The following ZC3H4 variants were observed in gnomAD, a reference collection of about 807,000 sequenced individuals.
ZC3H4 encodes the protein zinc finger CCCH-type containing 4, also known as zinc finger CCCH domain-containing protein 4.
Under a neutral mutation model 108.3 loss-of-function variants are expected in ZC3H4, and 13 were observed. The observed-to-expected ratio is 0.12, with a 90% CI of 0.08 to 0.19. ZC3H4 has a LOEUF of 0.19. Ranked by LOEUF, ZC3H4 falls within the 10% of genes least tolerant of loss-of-function variation. ZC3H4 has a pLI of 1.00. For missense variants in ZC3H4, 1,734 were observed against 1,838.8 expected, an observed-to-expected ratio of 0.94 and a Z score of 1.04; for synonymous variants, 917 against 749.6, an observed-to-expected ratio of 1.22 and a Z score of -3.65.
chr19:47,075,008 A>G (rs2057394678), intron 11 of ZC3H4, among the ~76,000 whole-genome samples: 3 of 152,212 alleles, frequency 2.0e-5, no homozygotes. Flanking sequence ...AAGATAAACT[A>G]GTCCTGCCCC....
Position 47,081,361 on chromosome 19 carries a change from C to A in ZC3H4, c.1440+152G>T, listed in dbSNP as rs184365067. 6.2e-6 allele frequency: 4 copies of A among 645,168 alleles called. No individual in the cohort carries two copies. In the East Asian group the frequency reaches 8.2e-5, roughly 13 times the overall value. 40.0% of individuals were successfully genotyped at this position (645,168 alleles called of 1,614,324 possible). A position where few individuals can be genotyped will look rare whatever the true frequency, so the allele number is the denominator to read the frequency against. On this transcript the variant is annotated intron_variant, in intron 11 of 14. Transcript: ENST00000253048. ...CACCTCAACTCCTTGCAGAAGAGGACACAGTGCCCGTGTCCTCCTTAGAAT... is the reference window on the plus strand; with the variant it reads ...CACCTCAACTCCTTGCAGAAGAGGAAACAGTGCCCGTGTCCTCCTTAGAAT...
intron 6 of ZC3H4, 65 bp from the exon 7 acceptor site, chr19:47,085,479 T>G: frequency 7.4e-7 from 1 of 1,357,170 alleles, no homozygotes; most frequent in East Asian, 2.3e-5. Flanking sequence ...TGTCCCCACC[T>G]ACACACTGCT....
In ZC3H4 at chr19:47,085,205, G is replaced by A; in HGVS notation, c.968-10C>T. 4 of 1,597,436 alleles carry A rather than the reference G, an allele frequency of 2.5e-6. No individual in the cohort carries two copies. Among genetic ancestry groups the A allele is most frequent in the Non-Finnish European group, 3.4e-6 (4 of 1,168,034 alleles). ...CGGCCTCGACTTAGCCCTGTGGAGG[G>A]GAGATTGTGTGAAGACCTGCTGACC... On this transcript the variant is annotated splice_polypyrimidine_tract_variant and intron_variant, in intron 7 of 14. Transcript: ENST00000253048.
intron 9 of ZC3H4, 25 bp from the exon 10 acceptor site, chr19:47,082,320 A>T: frequency 6.4e-7 from 1 of 1,560,920 alleles, no homozygotes; most frequent in East Asian, 2.2e-5. Context: ...ACAAAAACAT[A>T]AGGTGGTGGC....
chr19:47,100,928 C>T (rs529285492), intron 2 of ZC3H4, among the ~76,000 whole-genome samples: 2 of 152,018 alleles, frequency 1.3e-5, no homozygotes, highest in South Asian at 4.2e-4. Context: ...GAACTCCTGA[C>T]CTCAGGTGAT....
chr19:47,072,472 A>C lies in ZC3H4; in HGVS notation c.1682T>G (p.Val561Gly). 7.0e-7 allele frequency: 1 copy of C among 1,437,362 alleles called. No homozygotes were observed. The highest frequency in any genetic ancestry group is 1.5e-5 in the African/African-American group (1 of 66,676). The allele number at this position is 1,437,362 out of a possible 1,614,324, so 89.0% of individuals were successfully genotyped here. The change falls in exon 12 of 15, where the codon GTG (valine) becomes GGG (glycine). Residue 561 changes from valine to glycine, a missense_variant. Around this residue, in one of 9 missense-constraint regions of ZC3H4, gnomAD observed 75 missense variants for 85.8 expected, o/e 0.87. Transcript: ENST00000253048. The surrounding 1 kb of genome is among the most constrained non-coding windows in gnomAD (Gnocchi z 5.6). Reference protein sequence around the residue: ...PPGPPQMPMPVHEPLSPQQLQ... With the variant: ...PPGPPQMPMPGHEPLSPQQLQ... Reference sequence around the variant, plus strand: ...CTGCTGCGGGGACAGTGGCTCATGCACCGGCATGGGCATCTGAGGGGGCCC... The same window carrying C: ...CTGCTGCGGGGACAGTGGCTCATGCCCCGGCATGGGCATCTGAGGGGGCCC...
chr19:47,085,234 C>CCCGA, intron 7 of ZC3H4, 39 bp from the exon 8 acceptor site: 1 of 1,576,398 alleles, frequency 6.3e-7, no homozygotes, highest in Non-Finnish European at 8.7e-7. Context: ...GCTGACCACC[C>CCCGA]CCTCCCCCAC....
intron 2 of ZC3H4, among the ~76,000 whole-genome samples, chr19:47,096,185 A>G (rs1175846156): frequency 3.3e-5 from 5 of 152,232 alleles, no homozygotes; most frequent in Non-Finnish European, 7.3e-5. Context: ...CAAGTGGCCC[A>G]GCCCCACAGA....
In ZC3H4 at chr19:47,072,806, T is replaced by C; in HGVS notation, c.1441-93A>G. The C allele has an allele frequency of 6.9e-7, 1 of 1,453,410 alleles. No homozygotes were observed. The highest frequency in any genetic ancestry group is 9.3e-7 in the Non-Finnish European group (1 of 1,072,210). The allele number at this position is 1,453,410 out of a possible 1,614,324, so 90.0% of individuals were successfully genotyped here. On this transcript the variant is annotated intron_variant, in intron 11 of 14. Transcript: ENST00000253048. This position sits in a 1 kb window ranked among gnomAD's most constrained non-coding sequence, Gnocchi z 5.6. ...GAGAGCTGAAGTTTATGAGGAAAAG[T>C]CCATAATACAAGGACCTTGAGATCT... is the stretch of plus-strand genomic sequence containing the variant.
chr19:47,089,978 C>A lies in ZC3H4; in HGVS notation c.704G>T (p.Ser235Ile). The A allele has an allele frequency of 6.2e-7, 1 of 1,614,226 alleles. No homozygotes were observed. The highest frequency in any genetic ancestry group is 1.1e-5 in the South Asian group (1 of 91,090). ...AGGGCAGGGCTCACCTCGGCCGCGG[C>A]TGCTGCCCTCCTTGGCACGCCGGTA... ...NQYRRAKEGSSRGRGSRGRGR... is the reference protein window; with the variant it reads ...NQYRRAKEGSIRGRGSRGRGR... The change falls in exon 5 of 15, where the codon AGC (serine) becomes ATC (isoleucine). Residue 235 changes from serine (S) to isoleucine (I), a missense_variant. Ser to Ile is a moderately radical substitution (Grantham distance 142). This residue lies in a region of ZC3H4 where 403 missense variants were observed against 457.0 expected (regional missense o/e 0.88). Coordinates refer to ENST00000253048, the MANE Select transcript of ZC3H4 (RefSeq NM_015168.2).
chr19:47,098,575 C>T (rs1224520940), intron 2 of ZC3H4, among the ~76,000 whole-genome samples: 17 of 151,690 alleles, frequency 1.1e-4, no homozygotes, highest in Admixed American at 1.1e-3. Flanking sequence ...ACTAGCCTTG[C>T]CAACATGGCG....
At chr19:47,081,346 C>A (rs1471775531) in intron 11 of ZC3H4, among the ~76,000 whole-genome samples, 167 bp downstream of exon 11, 3 of 152,200 alleles carry the variant, frequency 2.0e-5, no homozygotes, top group Non-Finnish European at 2.9e-5. Flanking sequence ...CACCTCAACT[C>A]CTTGCAGAAG....
At position 47,067,654 on chromosome 19, in the gene ZC3H4, G is replaced by C. The variant is rs746442576; in HGVS notation, c.2614C>G (p.Arg872Gly). ...PRLSRDPRLT[R>G]HVEASGGSGP... is the part of the protein sequence containing the mutation. ...GACCCGCCAGAAGCCTCCACATGGC[G>C]GGTGAGTCTGGGGTCCCGGCTGAGG... Residue 872 changes from arginine (R) to glycine (G), a missense_variant, in exon 15 of 15, where the codon CGC becomes GGC. Coordinates refer to ENST00000253048, the MANE Select transcript of ZC3H4 (RefSeq NM_015168.2). This position sits in a 1 kb window ranked among gnomAD's most constrained non-coding sequence, Gnocchi z 6.4. The C allele has an allele frequency of 6.2e-7, 1 of 1,602,812 alleles. No individual in the cohort carries two copies. The highest frequency in any genetic ancestry group is 8.5e-7 in the Non-Finnish European group (1 of 1,176,680).
chr19:47,072,204 G>C lies in ZC3H4; in HGVS notation c.1803-83C>G. ...CCCAGAGGAGAGGCGGAGGGCTGCA[G>C]AGCCGAAGGTCATGGGCCCCAGACC... On this transcript the variant is annotated intron_variant, in intron 12 of 14. Transcript: ENST00000253048. This position sits in a 1 kb window ranked among gnomAD's most constrained non-coding sequence, Gnocchi z 5.6. The C allele has an allele frequency of 5.7e-6, 8 of 1,415,846 alleles. No homozygotes were observed. Among genetic ancestry groups the C allele is most frequent in the Non-Finnish European group, 7.6e-6 (8 of 1,059,554 alleles). The allele number at this position is 1,415,846 out of a possible 1,614,324, so 87.7% of individuals were successfully genotyped here.
intron 11 of ZC3H4, among the ~76,000 whole-genome samples, chr19:47,075,842 G>A (rs2057408948): frequency 1.3e-5 from 2 of 152,154 alleles, no homozygotes. Flanking sequence ...CTCCACCATG[G>A]AGTCAACTGC....
chr19:47,103,380 T>C (rs1456133801), intron 2 of ZC3H4, among the ~76,000 whole-genome samples: 2 of 152,160 alleles, frequency 1.3e-5, no homozygotes, highest in Non-Finnish European at 2.9e-5. Flanking sequence ...ATTGGTTCAA[T>C]GCAGCCTTGA....
chr19:47,090,625 G>T (rs1399768485), intron 4 of ZC3H4, among the ~76,000 whole-genome samples: 2 of 152,160 alleles, frequency 1.3e-5, no homozygotes, highest in East Asian at 3.9e-4. Flanking sequence ...GCTTTCCAAA[G>T]TGTGGTAATG....
chr19:47,108,162 G>A (rs184842903), intron 2 of ZC3H4, among the ~76,000 whole-genome samples: 4 of 152,078 alleles, frequency 2.6e-5, no homozygotes, highest in Admixed American at 2.0e-4. Context: ...TCTTAGCTGT[G>A]CTGCCAAGGC....
In ZC3H4 at chr19:47,072,751, G is replaced by A; in HGVS notation, c.1441-38C>T. Reference sequence around the variant, plus strand: ...AAGAACAAAAGAAGGTGTGGACGGGGTCAGGATGGAAACGGACCTCTCCAG... The same window carrying A: ...AAGAACAAAAGAAGGTGTGGACGGGATCAGGATGGAAACGGACCTCTCCAG... On this transcript the variant is annotated intron_variant, in intron 11 of 14. Coordinates refer to ENST00000253048, the MANE Select transcript of ZC3H4 (RefSeq NM_015168.2). The surrounding 1 kb of genome is among the most constrained non-coding windows in gnomAD (Gnocchi z 5.6). 1 of 1,609,434 alleles carries A rather than the reference G, an allele frequency of 6.2e-7. No homozygotes were observed. The highest frequency in any genetic ancestry group is 1.7e-5 in the Admixed American group (1 of 59,804).
Sources: allele counts gnomAD v4.1 joint callset (sites outside exome capture counted in the v4.1 genomes callset), GRCh38; gene constraint gnomAD v4.1.1; regional missense constraint gnomAD v4.1.1; non-coding constraint Gnocchi (gnomAD v3.1); transcripts MANE v1.5; gene names NCBI Gene and HGNC (gene_info 2026-07-23, HGNC 2026-07-21).